The following ITPR1 variants were observed in gnomAD, a reference collection of about 807,000 sequenced individuals.
The protein encoded by ITPR1 is inositol 1,4,5-trisphosphate receptor type 1.
A neutral mutation model predicts 318.4 loss-of-function variants in ITPR1; 96 were observed. That is an observed-to-expected ratio of 0.30 (90% confidence interval 0.26 to 0.36). The LOEUF (loss-of-function observed/expected upper bound fraction) is 0.36. Among genes scored for constraint, ITPR1 ranks in the 10% least tolerant of loss-of-function variants. ITPR1 has a pLI of 1.00. For missense variants in ITPR1, 2,440 were observed against 3,460.2 expected, an observed-to-expected ratio of 0.71 and a Z score of 7.40; for synonymous variants, 1,312 against 1,289.9, an observed-to-expected ratio of 1.02 and a Z score of -0.37.
chr3:4,837,550 C>T (rs1290110686), intron 61 of ITPR1, among the ~76,000 whole-genome samples: 1 of 152,008 alleles, frequency 6.6e-6, no homozygotes, highest in Admixed American at 6.5e-5. Flanking sequence ...CACCCTGCTT[C>T]CTATCCGTAA....
chr3:4,651,787 T>C (rs1426013895), intron 10 of ITPR1, among the ~76,000 whole-genome samples: 1 of 152,242 alleles, frequency 6.6e-6, no homozygotes, highest in Non-Finnish European at 1.5e-5. Flanking sequence ...TTGACAGTTC[T>C]CCACGAAAGT....
chr3:4,804,685 C>T (rs1323517850), intron 54 of ITPR1, among the ~76,000 whole-genome samples: 1 of 152,198 alleles, frequency 6.6e-6, no homozygotes, highest in Non-Finnish European at 1.5e-5. Flanking sequence ...ACCACATCAT[C>T]ATGGATCATC....
At chr3:4,594,504 G>A (rs1036153693) in intron 4 of ITPR1, among the ~76,000 whole-genome samples, 22 of 152,084 alleles carry the variant, frequency 1.4e-4, no homozygotes, top group Non-Finnish European at 2.9e-4. Context: ...CTGCGTGATC[G>A]ATGAGAGCCA....
chr3:4,778,770 A>G (rs1177708324), intron 48 of ITPR1, among the ~76,000 whole-genome samples: 2 of 152,206 alleles, frequency 1.3e-5, no homozygotes, highest in Non-Finnish European at 2.9e-5. Flanking sequence ...CTGCGATAGC[A>G]TGATACCCTG....
At chr3:4,684,972 A>G (rs913613244) in intron 29 of ITPR1, 97 bp from the exon 30 acceptor site, 31 of 1,235,860 alleles carry the variant, frequency 2.5e-5, no homozygotes, top group Non-Finnish European at 3.6e-5. Flanking sequence ...TTAATGCATT[A>G]TAATCCCCTT....
At position 4,826,171 on chromosome 3, in the gene ITPR1, A is replaced by C. The variant is rs988175338; in HGVS notation, c.8028+7929A>C. Among the ~76,000 whole-genome samples, 2 of 152,274 alleles carry C rather than the reference A, an allele frequency of 1.3e-5. No individual in the cohort carries two copies. Among genetic ancestry groups the C allele is most frequent in the Non-Finnish European group, 2.9e-5 (2 of 68,042 alleles). On this transcript the variant is annotated intron_variant, in intron 60 of 61. Coordinates refer to ENST00000649015, the MANE Select transcript of ITPR1 (RefSeq NM_001378452.1). The surrounding 1 kb of genome is among the most constrained non-coding windows in gnomAD (Gnocchi z 4.2). ...GCCGTGGACACCTTCTGCTTCGTGC[A>C]GATGCACGATGATGGGTTTGGGCTT... is the stretch of plus-strand genomic sequence containing the variant.
intron 20 of ITPR1, 99 bp downstream of exon 20, chr3:4,671,025 G>A (rs959403495): frequency 2.2e-6 from 2 of 901,462 alleles, no homozygotes; most frequent in African/African-American, 3.4e-5. Flanking sequence ...GAATCACAAG[G>A]AGTCATCTTG....
At chr3:4,565,117 A>G (rs912927504) in intron 4 of ITPR1, among the ~76,000 whole-genome samples, 1 of 152,152 alleles carries the variant, frequency 6.6e-6, no homozygotes, top group African/African-American at 2.4e-5. Flanking sequence ...CTCCTCTGTG[A>G]TAAGATCTTG....
intron 26 of ITPR1, among the ~76,000 whole-genome samples, chr3:4,683,074 G>A (rs1415739644): frequency 6.6e-6 from 1 of 152,172 alleles, no homozygotes; most frequent in African/African-American, 2.4e-5. Context: ...TCCTCTTGCA[G>A]TTCTCAGACC....
At chr3:4,570,812 A>G (rs772114320) in intron 4 of ITPR1, among the ~76,000 whole-genome samples, 10 of 152,232 alleles carry the variant, frequency 6.6e-5, no homozygotes, top group African/African-American at 2.4e-4. Flanking sequence ...GATCAAATCC[A>G]AGTGTGTTTT....
chr3:4,839,324 T>A (rs974820071), intron 61 of ITPR1, among the ~76,000 whole-genome samples: 1 of 148,628 alleles, frequency 6.7e-6, no homozygotes, highest in Admixed American at 6.7e-5. Flanking sequence ...TGAAATTCCA[T>A]CTCAAAAAAA....
At chr3:4,634,827 C>T (rs2125140274) in intron 5 of ITPR1, among the ~76,000 whole-genome samples, 1 of 152,332 alleles carries the variant, frequency 6.6e-6, no homozygotes, top group South Asian at 2.1e-4. Context: ...CAACCTCCAC[C>T]TCCTGGGTTC....
chr3:4,636,704 C>T (rs1369716948), intron 5 of ITPR1, among the ~76,000 whole-genome samples: 1 of 152,260 alleles, frequency 6.6e-6, no homozygotes, highest in African/African-American at 2.4e-5. Flanking sequence ...GCTGGGATTA[C>T]AGGCATGAGC....
At chr3:4,554,050 T>A (rs1034702192) in intron 4 of ITPR1, among the ~76,000 whole-genome samples, 1 of 152,204 alleles carries the variant, frequency 6.6e-6, no homozygotes, top group Non-Finnish European at 1.5e-5. Context: ...GCCTTACTAC[T>A]ATTATTAATT....
At chr3:4,646,891 C>A (rs2093470612) in intron 10 of ITPR1, among the ~76,000 whole-genome samples, 1 of 152,058 alleles carries the variant, frequency 6.6e-6, no homozygotes, top group Admixed American at 6.5e-5. Context: ...TTCCTCCTCC[C>A]TAGCTTCAAT....
At chr3:4,607,647 G>C (rs577554307) in intron 4 of ITPR1, among the ~76,000 whole-genome samples, 206 of 152,214 alleles carry the variant, frequency 1.4e-3, no homozygotes, top group Middle Eastern at 6.8e-3. Context: ...GGGGAAAGGT[G>C]GGGGTGGCAG....
chr3:4,594,352 A>G (rs1308544328), intron 4 of ITPR1, among the ~76,000 whole-genome samples: 2 of 151,766 alleles, frequency 1.3e-5, no homozygotes, highest in Admixed American at 1.3e-4. Flanking sequence ...TGCTTCCTTT[A>G]CCTCCTTACA....
At chr3:4,578,405 C>T (rs537004778) in intron 4 of ITPR1, among the ~76,000 whole-genome samples, 1 of 152,192 alleles carries the variant, frequency 6.6e-6, no homozygotes, top group Non-Finnish European at 1.5e-5. Flanking sequence ...GTATAGGCCT[C>T]TGCATTCAAA....
chr3:4,520,930 GC>G (rs1329004615), intron 3 of ITPR1, 93 bp from the exon 4 acceptor site: 2 of 883,238 alleles, frequency 2.3e-6, no homozygotes, highest in Admixed American at 3.9e-5. Flanking sequence ...TCTAAATGTT[GC>G]GCAGGAAAAG....
Sources: allele counts gnomAD v4.1 joint callset (sites outside exome capture counted in the v4.1 genomes callset), GRCh38; gene constraint gnomAD v4.1.1; non-coding constraint Gnocchi (gnomAD v3.1); transcripts MANE v1.5; gene names NCBI Gene and HGNC (gene_info 2026-07-23, HGNC 2026-07-21).